Variants in PAX7 observed in about 807,000 individuals in gnomAD.
The protein encoded by PAX7 is paired box protein Pax-7.
A neutral mutation model predicts 50.7 loss-of-function variants in PAX7; 18 were observed. The ratio of observed to expected loss-of-function variants is 0.36; its 90% confidence interval spans 0.25 to 0.53. PAX7 has a LOEUF of 0.53. Among genes scored for constraint, PAX7 ranks in the 20% least tolerant of loss-of-function variants. PAX7 has a pLI of 0.93. For synonymous variants in PAX7, 310 were observed against 290.4 expected, an observed-to-expected ratio of 1.07 and a Z score of -0.69; for missense variants, 644 against 702.9, an observed-to-expected ratio of 0.92 and a Z score of 0.95.
In PAX7 at chr1:18,747,152, G is replaced by A. The variant is rs1931475826; in HGVS notation, c.*2223G>A. ...TCCTTCCATCTGGAGGCCTGGCTCA[G>A]AAAGTATCTGAGTATCCTGACACCC... is the stretch of plus-strand genomic sequence containing the variant. On this transcript the variant is annotated 3_prime_UTR_variant, in exon 9 of 9. Transcript: ENST00000420770. The A allele has an allele frequency of 8.7e-6, 2 of 230,036 alleles. No homozygotes were observed. Among genetic ancestry groups the A allele is most frequent in the South Asian group, 3.6e-4 (2 of 5,498 alleles). The allele number at this position is 230,036 out of a possible 1,614,324, so 14.2% of individuals were successfully genotyped here.
At chr1:18,643,535 T>A (rs999082989) in intron 4 of PAX7, among the ~76,000 whole-genome samples, 8 of 151,878 alleles carry the variant, frequency 5.3e-5, no homozygotes, top group African/African-American at 1.9e-4. Flanking sequence ...GACAAAGAGA[T>A]GCAGAATCAC....
At chr1:18,672,715 C>T (rs550600736) in intron 4 of PAX7, among the ~76,000 whole-genome samples, 1 of 151,206 alleles carries the variant, frequency 6.6e-6, no homozygotes, top group African/African-American at 2.4e-5. Flanking sequence ...AAGCAATTCT[C>T]CTGCCTCAGC....
At chr1:18,679,151 G>T (rs1222343659) in intron 4 of PAX7, among the ~76,000 whole-genome samples, 1 of 152,204 alleles carries the variant, frequency 6.6e-6, no homozygotes, top group Non-Finnish European at 1.5e-5. Context: ...TGCTGCATGG[G>T]TTCACAGAGC....
chr1:18,681,164 T>TA (rs143668000), intron 4 of PAX7, among the ~76,000 whole-genome samples: 1,057 of 67,306 alleles, frequency 0.016, 32 homozygotes, highest in African/African-American at 0.047. Flanking sequence ...CAAAACTCCG[T>TA]AAAAAAAAAA....
rs766495134 is a variant in PAX7 at position 18,735,670 on chromosome 1, G to A, written c.1194G>A (p.Pro398=). 57 of 1,613,878 alleles carry A rather than the reference G, an allele frequency of 3.5e-5. No individual in the cohort carries two copies. The highest frequency in any genetic ancestry group is 2.5e-4 in the Admixed American group (15 of 60,008). ...SILGNPSAVP[P]QPQADFSISP... ...TGGGCAACCCCAGTGCGGTGCCCCCGCAGCCACAGGCTGACTTCTCCATCT... is the reference window on the plus strand; with the variant it reads ...TGGGCAACCCCAGTGCGGTGCCCCCACAGCCACAGGCTGACTTCTCCATCT... The change falls in exon 8 of 9, where the codon CCG becomes CCA. Residue 398 remains proline, a synonymous_variant. Coordinates refer to ENST00000420770, the MANE Select transcript of PAX7 (RefSeq NM_001135254.2). This position sits in a 1 kb window ranked among gnomAD's most constrained non-coding sequence, Gnocchi z 4.0.
intron 7 of PAX7, among the ~76,000 whole-genome samples, chr1:18,716,855 TTGCCC>T (rs2089430590): frequency 6.7e-6 from 1 of 149,366 alleles, no homozygotes; most frequent in African/African-American, 2.5e-5. Flanking sequence ...CCCCTTGCCC[TTGCCC>T]TCTCCCCCAC....
chr1:18,652,753 C>T (rs2088453061), intron 4 of PAX7, among the ~76,000 whole-genome samples: 1 of 152,150 alleles, frequency 6.6e-6, no homozygotes, highest in African/African-American at 2.4e-5. Context: ...GAAATTGAGG[C>T]ATACAGAGAG....
At position 18,634,078 on chromosome 1, in the gene PAX7, C is replaced by G. The variant is rs1023225459; in HGVS notation, c.86-225C>G. Among the ~76,000 whole-genome samples the G allele has an allele frequency of 1.3e-5, 2 of 152,210 alleles. No individual in the cohort carries two copies. The highest frequency in any genetic ancestry group is 4.8e-5 in the African/African-American group (2 of 41,446). ...GACACAGCATCTGGGGAGACTCTTGCAGCTGTGACTCCTCTATCCATCTCT... is the reference window on the plus strand; with the variant it reads ...GACACAGCATCTGGGGAGACTCTTGGAGCTGTGACTCCTCTATCCATCTCT... On this transcript the variant is annotated intron_variant, in intron 1 of 8. Coordinates refer to ENST00000420770, the MANE Select transcript of PAX7 (RefSeq NM_001135254.2). The surrounding 1 kb of genome is among the most constrained non-coding windows in gnomAD (Gnocchi z 4.0).
chr1:18,730,875 C>G (rs946750660), intron 7 of PAX7, among the ~76,000 whole-genome samples: 1 of 142,388 alleles, frequency 7.0e-6, no homozygotes, highest in African/African-American at 2.6e-5. Context: ...GAGGCTGGGA[C>G]TGATTTGGAG....
chr1:18,692,142 G>A (rs954683328), intron 5 of PAX7, among the ~76,000 whole-genome samples, 189 bp downstream of exon 5: 1 of 152,086 alleles, frequency 6.6e-6, no homozygotes, highest in African/African-American at 2.4e-5. Context: ...GGTTGACTGA[G>A]AGCTGGACAG....
intron 7 of PAX7, among the ~76,000 whole-genome samples, chr1:18,718,378 C>T (rs1054091525): frequency 6.6e-6 from 1 of 152,158 alleles, no homozygotes; most frequent in Non-Finnish European, 1.5e-5. Flanking sequence ...CAAACCTGAG[C>T]CTGTCAAAAA....
At chr1:18,640,467 CA>C (rs2088233954) in intron 4 of PAX7, among the ~76,000 whole-genome samples, 1 of 135,230 alleles carries the variant, frequency 7.4e-6, no homozygotes, top group Non-Finnish European at 1.6e-5. Context: ...CTTCGAAAAC[CA>C]GGAAGGGGCG....
chr1:18,721,651 G>A (rs1388188886), intron 7 of PAX7, among the ~76,000 whole-genome samples: 2 of 152,218 alleles, frequency 1.3e-5, no homozygotes, highest in Non-Finnish European at 2.9e-5. Context: ...GGGCCTCTGG[G>A]GAGCCCCACA....
intron 4 of PAX7, among the ~76,000 whole-genome samples, chr1:18,642,951 G>T (rs1408894453): frequency 1.3e-5 from 2 of 151,190 alleles, no homozygotes; most frequent in African/African-American, 4.9e-5. Context: ...AGACGGGGTC[G>T]AGGGCAAAGG....
chr1:18,731,896 C>T (rs1348971694), intron 7 of PAX7, among the ~76,000 whole-genome samples: 2 of 152,216 alleles, frequency 1.3e-5, no homozygotes, highest in Non-Finnish European at 2.9e-5. Flanking sequence ...AGCCACCGGG[C>T]ACCACCCAAG....
At chr1:18,678,590 A>C (rs373068798) in intron 4 of PAX7, among the ~76,000 whole-genome samples, 1 of 152,162 alleles carries the variant, frequency 6.6e-6, no homozygotes, top group South Asian at 2.1e-4. Context: ...CTTTCCACAC[A>C]TATCCACTAA....
intron 7 of PAX7, among the ~76,000 whole-genome samples, chr1:18,708,980 G>T (rs1489980528): frequency 6.6e-6 from 1 of 152,202 alleles, no homozygotes; most frequent in South Asian, 2.1e-4. Context: ...GAAAAGTTCT[G>T]CCAGTTTCGA....
intron 7 of PAX7, among the ~76,000 whole-genome samples, chr1:18,725,980 G>GTA (rs2089561777): frequency 1.9e-5 from 1 of 52,032 alleles, no homozygotes; most frequent in South Asian, 3.4e-4. Context: ...CATTGGAAGA[G>GTA]TGTGTGTGTG....
intron 4 of PAX7, among the ~76,000 whole-genome samples, chr1:18,638,558 T>C (rs2236838): frequency 0.55 from 84,119 of 151,974 alleles, 23,822 homozygotes; most frequent in African/African-American, 0.64. Flanking sequence ...ACAGTGGGTG[T>C]GCTGGGTGCG....
Sources: gnomAD v4.1 joint callset for allele counts (sites outside exome capture counted in the v4.1 genomes callset) on GRCh38, gnomAD v4.1.1 for gene constraint, Gnocchi (gnomAD v3.1) non-coding constraint, MANE v1.5 for transcripts, NCBI Gene and HGNC (gene_info 2026-07-23, HGNC 2026-07-21) for gene names.